NPAS3: variants seen among roughly 807,000 people sequenced by gnomAD.
NPAS3 encodes the protein neuronal PAS domain protein 3.
NPAS3 carries 14 observed loss-of-function variants against 73.1 expected under a neutral mutation model. The ratio of observed to expected loss-of-function variants is 0.19; its 90% CI spans 0.13 to 0.30. The LOEUF (loss-of-function observed/expected upper bound fraction) is 0.30, where lower values mean the gene tolerates loss of function less well. Among genes scored for constraint, NPAS3 ranks in the 10% least tolerant of loss-of-function variants. NPAS3 has a pLI of 1.00. For missense variants in NPAS3, 1,096 were observed against 1,250.0 expected, an observed-to-expected ratio of 0.88 and a Z score of 1.86; for synonymous variants, 620 against 541.5, an observed-to-expected ratio of 1.14 and a Z score of -2.01.
Position 33,059,654 on chromosome 14 carries a change from T to G in NPAS3, c.140+3660T>G, listed in dbSNP as rs568741907. On this transcript the variant is annotated intron_variant, in intron 2 of 11. Coordinates refer to ENST00000356141, the Ensembl canonical transcript of NPAS3. ...GTCTGTGTTTTCGCAAACACATCTG[T>G]AAAGTAGTGGATTTCATCAGAAGAT... 2.6e-5 allele frequency among the ~76,000 whole-genome samples: 4 copies of G among 152,342 alleles called. No individual in the cohort carries two copies. In the South Asian group the frequency reaches 8.3e-4, roughly 32 times the overall value.
At chr14:33,174,415 T>C (rs1399659492) in intron 2 of NPAS3, among the ~76,000 whole-genome samples, 3 of 152,252 alleles carry the variant, frequency 2.0e-5, no homozygotes, top group South Asian at 2.1e-4. Context: ...AAATAACTTA[T>C]TCCTGGAATG....
At chr14:33,378,104 C>T (rs184609668) in intron 4 of NPAS3, among the ~76,000 whole-genome samples, 124 of 152,250 alleles carry the variant, frequency 8.1e-4, no homozygotes, top group Admixed American at 1.5e-3. Context: ...ACTGTCTGAG[C>T]CTCAGTTTTC....
chr14:33,565,241 T>A (rs557312484), intron 5 of NPAS3, among the ~76,000 whole-genome samples: 2 of 152,324 alleles, frequency 1.3e-5, no homozygotes, highest in South Asian at 4.1e-4. Flanking sequence ...CTGTTGTTCA[T>A]CTCCATATTT....
At chr14:33,466,246 C>A (rs2050520729) in intron 4 of NPAS3, among the ~76,000 whole-genome samples, 1 of 152,118 alleles carries the variant, frequency 6.6e-6, no homozygotes, top group African/African-American at 2.4e-5. Flanking sequence ...GTTCCTTTAG[C>A]AGCAAAACCA....
intron 5 of NPAS3, among the ~76,000 whole-genome samples, chr14:33,648,861 T>C (rs900608812): frequency 1.3e-5 from 2 of 152,174 alleles, no homozygotes; most frequent in Non-Finnish European, 2.9e-5. Flanking sequence ...TTACTCTAGT[T>C]TGTCAATGTC....
intron 2 of NPAS3, among the ~76,000 whole-genome samples, chr14:33,100,710 A>G (rs2042555405): frequency 6.6e-6 from 1 of 152,138 alleles, no homozygotes; most frequent in Non-Finnish European, 1.5e-5. Context: ...TTTAGTGCAT[A>G]TTGTCCCCTG....
intron 4 of NPAS3, among the ~76,000 whole-genome samples, chr14:33,446,154 A>G (rs117691598): frequency 0.021 from 2,958 of 142,330 alleles, 47 homozygotes; most frequent in Middle Eastern, 0.08. Flanking sequence ...CTCTAGGGAC[A>G]CTTCATGCTT....
intron 4 of NPAS3, among the ~76,000 whole-genome samples, chr14:33,421,460 C>G (rs530847213): frequency 4.0e-5 from 6 of 151,810 alleles, no homozygotes; most frequent in Non-Finnish European, 5.9e-5. Context: ...ATCTGGATTT[C>G]TAATGACCTT....
chr14:33,393,583 A>C (rs2047098341), intron 4 of NPAS3, among the ~76,000 whole-genome samples: 1 of 152,158 alleles, frequency 6.6e-6, no homozygotes. Context: ...GGAAACTTTA[A>C]TTACTCATGT....
At chr14:33,597,040 T>G (rs2057263509) in intron 5 of NPAS3, among the ~76,000 whole-genome samples, 1 of 152,190 alleles carries the variant, frequency 6.6e-6, no homozygotes, top group Non-Finnish European at 1.5e-5. Flanking sequence ...CTGCAGATTT[T>G]TATATAAATC....
chr14:33,482,026 G>A (rs2051350414), intron 4 of NPAS3, among the ~76,000 whole-genome samples: 1 of 150,252 alleles, frequency 6.7e-6, no homozygotes, highest in African/African-American at 2.4e-5. Flanking sequence ...AAAACAGGCA[G>A]TGGAAAATTC....
chr14:33,210,355 C>A (rs548698817), intron 2 of NPAS3, among the ~76,000 whole-genome samples: 2 of 150,064 alleles, frequency 1.3e-5, no homozygotes, highest in African/African-American at 2.4e-5. Flanking sequence ...AGCAGTAGCA[C>A]CCCTTTTTTC....
intron 5 of NPAS3, among the ~76,000 whole-genome samples, chr14:33,628,562 C>T (rs1236784399): frequency 6.6e-6 from 1 of 152,196 alleles, no homozygotes; most frequent in South Asian, 2.1e-4. Flanking sequence ...TTGCGATGCT[C>T]CGTCCATTAG....
At chr14:33,566,980 T>C (rs1177004007) in intron 5 of NPAS3, among the ~76,000 whole-genome samples, 1 of 152,232 alleles carries the variant, frequency 6.6e-6, no homozygotes, top group Non-Finnish European at 1.5e-5. Context: ...TTCAGGACCG[T>C]TGGTGTTTGG....
intron 4 of NPAS3, among the ~76,000 whole-genome samples, chr14:33,516,708 T>G (rs1248502422): frequency 6.6e-6 from 1 of 152,114 alleles, no homozygotes; most frequent in Non-Finnish European, 1.5e-5. Flanking sequence ...TAAGTGGATC[T>G]TAGGACCTGG....
At chr14:33,652,396 G>A (rs1567090735) in intron 5 of NPAS3, among the ~76,000 whole-genome samples, 1 of 152,130 alleles carries the variant, frequency 6.6e-6, no homozygotes, top group African/African-American at 2.4e-5. Context: ...TGAGGCAGTG[G>A]TGCACTAGTT....
chr14:33,043,536 C>T (rs2040410900), intron 1 of NPAS3, among the ~76,000 whole-genome samples: 1 of 152,088 alleles, frequency 6.6e-6, no homozygotes, highest in Non-Finnish European at 1.5e-5. Context: ...CTTGAGGAAG[C>T]AGATTCTCCA....
chr14:33,132,162 C>T (rs1260018082), intron 2 of NPAS3, among the ~76,000 whole-genome samples: 1 of 152,052 alleles, frequency 6.6e-6, no homozygotes, highest in Non-Finnish European at 1.5e-5. Flanking sequence ...GTCCAGGTAA[C>T]TTGCATGAAG....
chr14:33,521,963 G>T (rs1250515645), intron 4 of NPAS3, among the ~76,000 whole-genome samples: 1 of 152,190 alleles, frequency 6.6e-6, no homozygotes, highest in East Asian at 1.9e-4. Context: ...TGATTAATTT[G>T]TAATAAATCT....
Sources: allele counts gnomAD v4.1 joint callset (sites outside exome capture counted in the v4.1 genomes callset), GRCh38; gene constraint gnomAD v4.1.1; transcripts MANE v1.5; gene names NCBI Gene and HGNC (gene_info 2026-07-23, HGNC 2026-07-21).